The following ZDBF2 variants were observed in gnomAD, a reference collection of about 807,000 sequenced individuals.
ZDBF2 encodes the protein zinc finger DBF-type containing 2.
A neutral mutation model predicts 9.4 loss-of-function variants in ZDBF2; 6 were observed. The ratio of observed to expected loss-of-function variants is 0.64; its 90% confidence interval spans 0.35 to 1.27. The LOEUF is 1.27. ZDBF2 is among the 50% of genes most tolerant of loss of function. The pLI is 0.03. For synonymous variants in ZDBF2, 905 were observed against 946.3 expected (o/e 0.96, Z 0.80); for missense variants, 2,697 against 2,766.8 (o/e 0.97, Z 0.57).
At chr2:206,289,720 G>A (rs569383043) in intron 3 of ZDBF2, among the ~76,000 whole-genome samples, 1 of 152,334 alleles carries the variant, frequency 6.6e-6, no homozygotes, top group Admixed American at 6.5e-5. Flanking sequence ...GAACACAGTG[G>A]TGTTGACCCC....
chr2:206,308,960 C>G lies in ZDBF2; in HGVS notation c.4432C>G (p.Leu1478Val), dbSNP rs2105964346. The G allele has an allele frequency of 6.2e-7, 1 of 1,613,518 alleles. No homozygotes were observed. Among genetic ancestry groups the G allele is most frequent in the Middle Eastern group, 1.6e-4 (1 of 6,062 alleles). The change falls in exon 5 of 5, where the codon CTT becomes GTT. Residue 1478 changes from leucine (L) to valine (V), a missense_variant. By Grantham distance (32) the Leu-to-Val change is conservative. Coordinates refer to ENST00000374423, the MANE Select transcript of ZDBF2 (RefSeq NM_020923.3). ...QPQVSYKEAD[L>V]QKEEHVVMEE... is the part of the protein sequence containing the mutation. ...TCAAGTGTCTTACAAAGAGGCAGAC[C>G]TTCAGAAGGAAGAGCATGTTGTCAT...
At chr2:206,284,173 AC>A (rs1464239657) in intron 3 of ZDBF2, among the ~76,000 whole-genome samples, 2 of 151,594 alleles carry the variant, frequency 1.3e-5, no homozygotes, top group East Asian at 3.9e-4. Flanking sequence ...ATAGGGCTAT[AC>A]TTTTTTTTTT....
intron 3 of ZDBF2, among the ~76,000 whole-genome samples, chr2:206,291,288 G>C (rs1000891771): frequency 6.6e-6 from 1 of 152,130 alleles, no homozygotes; most frequent in East Asian, 1.9e-4. Context: ...AAAGGAGCAC[G>C]CAACCTAGAT....
At chr2:206,282,218 C>A (rs746596531) in intron 3 of ZDBF2, among the ~76,000 whole-genome samples, 2 of 152,030 alleles carry the variant, frequency 1.3e-5, no homozygotes, top group African/African-American at 2.4e-5. Flanking sequence ...CCAGGTAAGG[C>A]CTTTTTAAGG....
chr2:206,308,193 G>A lies in ZDBF2; in HGVS notation c.3665G>A (p.Ser1222Asn). Reference sequence around the variant, plus strand: ...CTGAGAGAAACCGTTAAAGAAATAAGCCTTTGGAAGGATGAAGAAGTTGAC... The same window carrying A: ...CTGAGAGAAACCGTTAAAGAAATAAACCTTTGGAAGGATGAAGAAGTTGAC... ...DRLRETVKEI[S>N]LWKDEEVDTE... The change falls in exon 5 of 5, where the codon AGC (serine) becomes AAC (asparagine). Residue 1222 changes from serine (S) to asparagine (N), a missense_variant. This residue lies in a region of ZDBF2 where 1,783 missense variants were observed against 1,776.5 expected (regional missense o/e 1.00). Transcript: ENST00000374423. 3 of 1,613,834 alleles carry A rather than the reference G, an allele frequency of 1.9e-6. No individual in the cohort carries two copies. The highest frequency in any genetic ancestry group is 2.5e-6 in the Non-Finnish European group (3 of 1,179,828).
At chr2:206,301,407 T>C (rs1559145505) in intron 4 of ZDBF2, among the ~76,000 whole-genome samples, 1 of 152,152 alleles carries the variant, frequency 6.6e-6, no homozygotes, top group East Asian at 1.9e-4. Context: ...GCCTTTGTTT[T>C]TTCTTTTAAA....
Position 206,310,060 on chromosome 2 carries a change from T to C in ZDBF2, c.5532T>C (p.Asn1844=). Residue 1844 remains asparagine (N), a synonymous_variant, in exon 5 of 5, where the codon AAT becomes AAC. Transcript: ENST00000374423. The part of the protein sequence containing the change: ...QIMREDDIKI[N]ALVKEFREGR... ...TGAGAGAAGATGACATAAAAATTAA[T>C]GCTCTGGTGAAGGAGTTTAGGGAAG... The C allele has an allele frequency of 6.2e-7, 1 of 1,613,856 alleles. No homozygotes were observed. The highest frequency in any genetic ancestry group is 8.5e-7 in the Non-Finnish European group (1 of 1,179,866).
At chr2:206,284,776 T>C (rs1691513576) in intron 3 of ZDBF2, among the ~76,000 whole-genome samples, 1 of 152,236 alleles carries the variant, frequency 6.6e-6, no homozygotes, top group Non-Finnish European at 1.5e-5. Context: ...TCACCTAGGC[T>C]GGAGTGCAGT....
Position 206,308,905 on chromosome 2 carries a change from T to A in ZDBF2, c.4377T>A (p.Cys1459Ter), listed in dbSNP as rs1692977454. 6.2e-7 allele frequency: 1 copy of A among 1,612,726 alleles called. No homozygotes were observed. Among genetic ancestry groups the A allele is most frequent in the Non-Finnish European group, 8.5e-7 (1 of 1,179,388 alleles). ...VCGSEIKCHS[C>*]VHLQSEVDQP... is the part of the protein sequence containing the mutation. ...GTTCTGAAATAAAATGTCATTCTTG[T>A]GTTCATCTTCAGTCAGAAGTTGACC... Residue 1459 changes from cysteine to a stop codon, truncating the protein, a stop_gained, in exon 5 of 5, where the codon TGT becomes TGA. Coordinates refer to ENST00000374423, the MANE Select transcript of ZDBF2 (RefSeq NM_020923.3). LOFTEE classifies it low-confidence loss of function (END_TRUNC).
chr2:206,306,471 T>A lies in ZDBF2; in HGVS notation c.1943T>A (p.Leu648His). ...ESQRAVEKIN[L>H]LKEKNADLMD... Reference sequence around the variant, plus strand: ...CAGAGGGCTGTTGAAAAGATAAATCTTCTGAAGGAGAAGAATGCTGACCTT... The same window carrying A: ...CAGAGGGCTGTTGAAAAGATAAATCATCTGAAGGAGAAGAATGCTGACCTT... Residue 648 changes from leucine (L) to histidine (H), a missense_variant, in exon 5 of 5, where the codon CTT (leucine) becomes CAT (histidine). Transcript: ENST00000374423. The A allele has an allele frequency of 2.5e-6, 4 of 1,613,806 alleles. No homozygotes were observed. The highest frequency in any genetic ancestry group is 8.5e-7 in the Non-Finnish European group (1 of 1,179,784).
chr2:206,303,346 C>G (rs1692601509), intron 4 of ZDBF2, among the ~76,000 whole-genome samples: 1 of 151,190 alleles, frequency 6.6e-6, no homozygotes, highest in African/African-American at 2.4e-5. Flanking sequence ...GGCAGCTTAA[C>G]TTTTTTTGAA....
In ZDBF2 at chr2:206,305,900, C is replaced by G; in HGVS notation, c.1372C>G (p.Leu458Val). 6.2e-7 allele frequency: 1 copy of G among 1,613,314 alleles called. No homozygotes were observed. Reference protein sequence around the residue: ...SKISSDCDDILHLVTNQSQMI... With the variant: ...SKISSDCDDIVHLVTNQSQMI... ...AATAAGTTCTGATTGTGATGACATT[C>G]TTCACTTGGTTACCAACCAATCCCA... Residue 458 changes from leucine to valine, a missense_variant, in exon 5 of 5, where the codon CTT becomes GTT. Coordinates refer to ENST00000374423, the MANE Select transcript of ZDBF2 (RefSeq NM_020923.3).
chr2:206,304,577 C>T (rs1692664811), intron 4 of ZDBF2, 140 bp from the exon 5 acceptor site: 1 of 1,044,548 alleles, frequency 9.6e-7, no homozygotes, highest in African/African-American at 1.6e-5. Context: ...ATGCAGTGTT[C>T]AGCCTGGGGT....
intron 3 of ZDBF2, among the ~76,000 whole-genome samples, chr2:206,293,580 A>G (rs963096324): frequency 6.6e-6 from 1 of 152,230 alleles, no homozygotes; most frequent in East Asian, 1.9e-4. Flanking sequence ...ACAAGTCCAT[A>G]AGGAAGAGAC....
Position 206,310,293 on chromosome 2 carries a change from C to T in ZDBF2, c.5765C>T (p.Pro1922Leu). 6.2e-7 allele frequency: 1 copy of T among 1,613,926 alleles called. No individual in the cohort carries two copies. Among genetic ancestry groups the T allele is most frequent in the Non-Finnish European group, 8.5e-7 (1 of 1,179,886 alleles). ...GATAAACCATGCCATCGTCATCCTCCAGCAGAGAGGCCTCCTAAGCAAAAG... is the reference window on the plus strand; with the variant it reads ...GATAAACCATGCCATCGTCATCCTCTAGCAGAGAGGCCTCCTAAGCAAAAG... ...ALDKPCHRHP[P>L]AERPPKQKGR... The change falls in exon 5 of 5, where the codon CCA becomes CTA. Residue 1922 changes from proline to leucine, a missense_variant. Physicochemically the swap from Pro to Leu is moderately conservative, Grantham distance 98 (BLOSUM62 -3). Transcript: ENST00000374423.
intron 3 of ZDBF2, among the ~76,000 whole-genome samples, chr2:206,294,633 T>C (rs1331646014): frequency 1.3e-5 from 2 of 152,166 alleles, no homozygotes; most frequent in Non-Finnish European, 2.9e-5. Context: ...TTTCGAGCCC[T>C]TTCCCCCTGC....
intron 4 of ZDBF2, among the ~76,000 whole-genome samples, chr2:206,297,815 G>T (rs1260401399): frequency 1.3e-5 from 2 of 152,128 alleles, no homozygotes; most frequent in Non-Finnish European, 2.9e-5. Flanking sequence ...GAGTAGCTGG[G>T]ATTACAGGCA....
At chr2:206,286,836 T>A (rs542741856) in intron 3 of ZDBF2, among the ~76,000 whole-genome samples, 2 of 152,372 alleles carry the variant, frequency 1.3e-5, no homozygotes, top group South Asian at 2.1e-4. Context: ...ATTATTGATA[T>A]GCGAGGAATT....
rs1444945067 is a variant in ZDBF2 at position 206,306,487 on chromosome 2, T to G, written c.1959T>G (p.Asn653Lys). Residue 653 changes from asparagine to lysine, a missense_variant, in exon 5 of 5, where the codon AAT (asparagine) becomes AAG (lysine). By Grantham distance (94) the Asn-to-Lys change is moderately conservative (BLOSUM62 0). Coordinates refer to ENST00000374423, the MANE Select transcript of ZDBF2 (RefSeq NM_020923.3). ...AGATAAATCTTCTGAAGGAGAAGAA[T>G]GCTGACCTTATGGATATGAACTGTG... is the stretch of plus-strand genomic sequence containing the variant. ...VEKINLLKEKNADLMDMNCES... is the reference protein window; with the variant it reads ...VEKINLLKEKKADLMDMNCES... 1.2e-6 allele frequency: 2 copies of G among 1,613,856 alleles called. No homozygotes were observed. The highest frequency in any genetic ancestry group is 2.2e-5 in the South Asian group (2 of 91,082).
Sources: allele counts gnomAD v4.1 joint callset (sites outside exome capture counted in the v4.1 genomes callset), GRCh38; gene constraint gnomAD v4.1.1; regional missense constraint gnomAD v4.1.1; transcripts MANE v1.5; gene names NCBI Gene and HGNC (gene_info 2026-07-23, HGNC 2026-07-21).